Variants in FTO observed in about 807,000 individuals in gnomAD.
FTO encodes the protein alpha-ketoglutarate-dependent dioxygenase FTO.
In FTO, 47 loss-of-function variants were observed where a neutral mutation model predicts 63.9. The ratio of observed to expected loss-of-function variants is 0.74; its 90% CI spans 0.58 to 0.94. FTO has a LOEUF of 0.94. Among genes scored for constraint, FTO ranks in the 40% least tolerant of loss-of-function variants. FTO has a pLI of 0.00. For missense variants in FTO, 562 were observed against 618.1 expected (o/e 0.91, Z 0.96); for synonymous variants, 207 against 224.4 (o/e 0.92, Z 0.69).
At chr16:54,110,165 A>G (rs1599382645) in intron 8 of FTO, among the ~76,000 whole-genome samples, 2 of 152,178 alleles carry the variant, frequency 1.3e-5, no homozygotes, top group Non-Finnish European at 2.9e-5. Flanking sequence ...CATGGTCTCA[A>G]ACACCTATGA....
intron 8 of FTO, among the ~76,000 whole-genome samples, chr16:54,059,227 C>T (rs1479334196): frequency 2.6e-5 from 4 of 152,212 alleles, no homozygotes; most frequent in African/African-American, 4.8e-5. Context: ...ATATTAGACT[C>T]ATCTAGCCCA....
rs144176179 is a variant in FTO, at chr16:53,940,430, C to A, written c.1364+6321C>A. On this transcript the variant is annotated intron_variant, in intron 8 of 8. Coordinates refer to ENST00000471389, the MANE Select transcript of FTO (RefSeq NM_001080432.3). ...ATTAAATTGCAGCAGTGCACGTTTC[C>A]CCGTTACCATGGTCAGGCCTGGCTC... 4.1e-3 allele frequency among the ~76,000 whole-genome samples: 625 copies of A among 152,222 alleles called. 3 individuals are homozygous for A. The highest frequency in any genetic ancestry group is 0.014 in the African/African-American group (598 of 41,536).
At chr16:53,749,734 C>T (rs148564208) in intron 1 of FTO, among the ~76,000 whole-genome samples, 6 of 152,280 alleles carry the variant, frequency 3.9e-5, no homozygotes, top group African/African-American at 1.4e-4. Flanking sequence ...CCACTGCGCC[C>T]GGCCAAGATT....
intron 6 of FTO, among the ~76,000 whole-genome samples, chr16:53,883,640 A>AAAAC (rs1555488988): frequency 1.3e-5 from 2 of 150,302 alleles, no homozygotes; most frequent in African/African-American, 4.9e-5. Flanking sequence ...AAAAAACAAA[A>AAAAC]AAAAAAAAAC....
rs535927823 is a variant in FTO, at chr16:53,903,539, G to A, written c.1239+14588G>A. On this transcript the variant is annotated intron_variant, in intron 7 of 8. Coordinates refer to ENST00000471389, the MANE Select transcript of FTO (RefSeq NM_001080432.3). The stretch of plus-strand genomic sequence containing the variant: ...CTCCCAAAGTGCTGGGATTACAGGC[G>A]TGAGCCACTGTGCCCAGCTAAGATA... 3.5e-4 allele frequency among the ~76,000 whole-genome samples: 54 copies of A among 152,278 alleles called. No homozygotes were observed. In the East Asian group the frequency reaches 5.0e-3, roughly 14 times the overall value.
intron 8 of FTO, among the ~76,000 whole-genome samples, chr16:53,968,400 T>C (rs758969872): frequency 2.0e-5 from 3 of 152,196 alleles, no homozygotes; most frequent in Admixed American, 6.5e-5. Flanking sequence ...GTTTCATATA[T>C]GAAGATAATC....
intron 8 of FTO, among the ~76,000 whole-genome samples, chr16:53,975,037 AT>A (rs1269077104): frequency 6.6e-6 from 1 of 152,004 alleles, no homozygotes; most frequent in African/African-American, 2.4e-5. Flanking sequence ...TTTTATATGT[AT>A]ATATATATTT....
chr16:54,070,029 A>T (rs1599313231), intron 8 of FTO: 1 of 151,892 alleles, frequency 6.6e-6, no homozygotes, highest in Non-Finnish European at 1.5e-5. Flanking sequence ...ATCTCATTTA[A>T]CAGGTTATCT....
chr16:53,955,181 T>C (rs1266181597), intron 8 of FTO, among the ~76,000 whole-genome samples: 1 of 152,158 alleles, frequency 6.6e-6, no homozygotes, highest in African/African-American at 2.4e-5. Context: ...TGAAGATGGA[T>C]GGTTAAGAAA....
chr16:53,979,572 C>A, intron 8 of FTO: 1 of 385,594 alleles, frequency 2.6e-6, no homozygotes, highest in South Asian at 1.4e-4. Context: ...TGTGTGCGCG[C>A]GTGTGTGAAT....
intron 8 of FTO, among the ~76,000 whole-genome samples, chr16:54,100,188 C>T (rs74019730): frequency 0.11 from 16,641 of 152,136 alleles, 1,106 homozygotes; most frequent in South Asian, 0.18. Flanking sequence ...AAAGAGATTT[C>T]GAATCAGACA....
intron 4 of FTO, among the ~76,000 whole-genome samples, chr16:53,856,369 G>T (rs202169830): frequency 1.1e-3 from 68 of 61,150 alleles, no homozygotes; most frequent in African/African-American, 9.3e-3. Context: ...TTTTTTTTTT[G>T]GGGGGGGATA....
intron 8 of FTO, among the ~76,000 whole-genome samples, chr16:54,060,411 T>C (rs745381978): frequency 2.0e-5 from 3 of 152,220 alleles, no homozygotes; most frequent in Non-Finnish European, 4.4e-5. Flanking sequence ...AGAATCATGG[T>C]AATCTCTATA....
chr16:53,758,916 AAGTT>A (rs998739967), intron 1 of FTO, among the ~76,000 whole-genome samples: 6 of 152,192 alleles, frequency 3.9e-5, no homozygotes, highest in African/African-American at 1.4e-4. Context: ...ATTTAAAAAA[AAGTT>A]GTCCTTAGTT....
chr16:53,997,115 G>GA (rs1213042416), intron 8 of FTO, among the ~76,000 whole-genome samples: 9 of 118,356 alleles, frequency 7.6e-5, no homozygotes, highest in African/African-American at 2.0e-4. Context: ...TCTATCTAAA[G>GA]AAAAAAAAGA....
intron 7 of FTO, among the ~76,000 whole-genome samples, chr16:53,896,280 A>G (rs2081277281): frequency 6.6e-6 from 1 of 152,086 alleles, no homozygotes; most frequent in African/African-American, 2.4e-5. Context: ...GAAAAGATAT[A>G]ACATAAAACA....
chr16:54,067,887 G>C (rs1199859785), intron 8 of FTO, among the ~76,000 whole-genome samples: 1 of 152,212 alleles, frequency 6.6e-6, no homozygotes, highest in Admixed American at 6.5e-5. Flanking sequence ...AGGCTAAGCA[G>C]CTCTGTGTTT....
chr16:54,092,563 A>T (rs1222225861), intron 8 of FTO, among the ~76,000 whole-genome samples: 2 of 152,180 alleles, frequency 1.3e-5, no homozygotes, highest in African/African-American at 4.8e-5. Context: ...AGATCTCTAG[A>T]TTCTTTACAG....
At chr16:53,727,258 C>A (rs1180484574) in intron 1 of FTO, among the ~76,000 whole-genome samples, 2 of 152,204 alleles carry the variant, frequency 1.3e-5, no homozygotes, top group African/African-American at 4.8e-5. Context: ...CTGGCATATT[C>A]TATCAGCTTT....
Sources: gnomAD v4.1 joint callset for allele counts (sites outside exome capture counted in the v4.1 genomes callset) on GRCh38, gnomAD v4.1.1 for gene constraint, MANE v1.5 for transcripts, NCBI Gene and HGNC (gene_info 2026-07-23, HGNC 2026-07-21) for gene names.